Variants in IFI44 observed in about 807,000 individuals in gnomAD.
IFI44 encodes the protein interferon induced protein 44.
IFI44 carries 42 observed loss-of-function variants against 45.0 expected under a neutral mutation model. The observed-to-expected ratio is 0.93, with a 90% CI of 0.73 to 1.21. IFI44 has a LOEUF of 1.21. Ranked by LOEUF, IFI44 falls within the 50% of genes most tolerant of loss-of-function variation. The probability of loss-of-function intolerance (pLI) is 0.00; values close to 1 mark genes in which losing one functional copy is unlikely to be tolerated. For missense variants in IFI44, 623 were observed against 525.8 expected (o/e 1.18, Z -1.81); for synonymous variants, 221 against 188.6 (o/e 1.17, Z -1.41).
chr1:78,654,280 G>A lies in IFI44; in HGVS notation c.494+1G>A. The A allele has an allele frequency of 1.4e-6, 2 of 1,438,886 alleles. No homozygotes were observed. The highest frequency in any genetic ancestry group is 9.8e-7 in the Non-Finnish European group (1 of 1,022,380). The allele number at this position is 1,438,886 out of a possible 1,614,324, so 89.1% of individuals were successfully genotyped here. A position where few individuals can be genotyped will look rare whatever the true frequency, so the allele number is the denominator to read the frequency against. ...AAAGAAAGATAAAAGGGGTCATTGA[G>A]TAAGTCAATGTTTTTAAGATTCTAT... On this transcript the variant is annotated splice_donor_variant, in intron 3 of 8. Transcript: ENST00000370747. LOFTEE classifies it high-confidence loss of function.
rs770741731 is a variant in IFI44, at chr1:78,662,751, G to A, written c.1161G>A (p.Ser387=). 14 of 1,613,554 alleles carry A rather than the reference G, an allele frequency of 8.7e-6. No individual in the cohort carries two copies. Among genetic ancestry groups the A allele is most frequent in the East Asian group, 4.5e-5 (2 of 44,858 alleles). The stretch of plus-strand genomic sequence containing the variant: ...TTGGATTTGCTCTTTCTGACATCTC[G>A]GTGGTTAGCAATTATTCCTCTGAGT... ...RKLGFALSDI[S]VVSNYSSEWE... is the part of the protein sequence containing the mutation. Residue 387 remains serine (S), a synonymous_variant, in exon 8 of 9, where the codon TCG becomes TCA. Transcript: ENST00000370747.
At chr1:78,651,222 C>T (rs948299495) in intron 2 of IFI44, among the ~76,000 whole-genome samples, 2 of 152,104 alleles carry the variant, frequency 1.3e-5, no homozygotes, top group African/African-American at 4.8e-5. Context: ...TTGTAATATA[C>T]AATGAAATAA....
chr1:78,658,597 A>T (rs574295421), intron 5 of IFI44, among the ~76,000 whole-genome samples: 38 of 152,282 alleles, frequency 2.5e-4, no homozygotes, highest in African/African-American at 9.1e-4. Flanking sequence ...CTACAAAATA[A>T]TGTATAGTCA....
intron 5 of IFI44, 119 bp downstream of exon 5, chr1:78,655,630 T>A (rs993949461): frequency 3.2e-6 from 3 of 933,132 alleles, no homozygotes; most frequent in Non-Finnish European, 4.6e-6. Context: ...TCTTTTAGAT[T>A]TTTTTTTTCA....
intron 5 of IFI44, among the ~76,000 whole-genome samples, chr1:78,656,565 A>G (rs753323663): frequency 3.3e-5 from 5 of 152,026 alleles, no homozygotes; most frequent in Admixed American, 6.6e-5. Context: ...GTAGTAATCA[A>G]TTATGGCTTG....
At chr1:78,659,566 A>T in intron 6 of IFI44, 83 bp downstream of exon 6, 1 of 1,083,386 alleles carries the variant, frequency 9.2e-7, no homozygotes. Context: ...TTTGGACAGG[A>T]TAAAGAACTT....
intron 7 of IFI44, 130 bp from the exon 8 acceptor site, chr1:78,662,574 A>C: frequency 1.5e-6 from 1 of 674,490 alleles, no homozygotes; most frequent in Non-Finnish European, 2.5e-6. Flanking sequence ...TTGTGAGACC[A>C]GATCTCCATT....
chr1:78,662,921 G>A (rs1647551882), intron 8 of IFI44, 43 bp downstream of exon 8: 1 of 1,612,794 alleles, frequency 6.2e-7, no homozygotes, highest in Non-Finnish European at 8.5e-7. Flanking sequence ...CGGTCAGGTA[G>A]TTGGCTACTT....
rs1330549172 is a variant in IFI44 at position 78,655,158 on chromosome 1, T to A, written c.639T>A (p.His213Gln). 3 of 1,613,854 alleles carry A rather than the reference T, an allele frequency of 1.9e-6. No homozygotes were observed. Among genetic ancestry groups the A allele is most frequent in the Admixed American group, 1.7e-5 (1 of 59,994 alleles). ...CAGTGAGGTCTGTTTTCCAAGGGCATGTAACGCATCAGGCTTTGGTGGGCA... is the reference window on the plus strand; with the variant it reads ...CAGTGAGGTCTGTTTTCCAAGGGCAAGTAACGCATCAGGCTTTGGTGGGCA... ...FNSVRSVFQG[H>Q]VTHQALVGTN... Residue 213 changes from histidine (H) to glutamine (Q), a missense_variant, in exon 4 of 9, where the codon CAT becomes CAA. By Grantham distance (24) the His-to-Gln change is conservative (BLOSUM62 0). Coordinates refer to ENST00000370747, the MANE Select transcript of IFI44 (RefSeq NM_006417.5).
chr1:78,650,069 T>C (rs1647095919), intron 1 of IFI44, 117 bp from the exon 2 acceptor site: 2 of 540,966 alleles, frequency 3.7e-6, no homozygotes, highest in Non-Finnish European at 6.0e-6. Flanking sequence ...TGTTCATCCT[T>C]TGTTTTGTCA....
At chr1:78,654,914 C>G in intron 3 of IFI44, 100 bp from the exon 4 acceptor site, 1 of 949,888 alleles carries the variant, frequency 1.1e-6, no homozygotes, top group Non-Finnish European at 1.5e-6. Context: ...AGTTGCTAAT[C>G]AAAAATAATA....
At chr1:78,657,978 C>A (rs1647263744) in intron 5 of IFI44, among the ~76,000 whole-genome samples, 1 of 151,960 alleles carries the variant, frequency 6.6e-6, no homozygotes, top group Non-Finnish European at 1.5e-5. Context: ...GCTATTTCTT[C>A]AAGTAGTCCT....
Position 78,655,178 on chromosome 1 carries a change from T to C in IFI44, c.659T>C (p.Val220Ala). The change falls in exon 4 of 9, where the codon GTG (valine) becomes GCG (alanine). Residue 220 changes from valine (V) to alanine (A), a missense_variant. Coordinates refer to ENST00000370747, the MANE Select transcript of IFI44 (RefSeq NM_006417.5). ...GGGCATGTAACGCATCAGGCTTTGG[T>C]GGGCACTAATACAACTGGGATATCT... ...FQGHVTHQAL[V>A]GTNTTGISEK... 2 of 1,613,904 alleles carry C rather than the reference T, an allele frequency of 1.2e-6. No individual in the cohort carries two copies. The highest frequency in any genetic ancestry group is 1.7e-6 in the Non-Finnish European group (2 of 1,179,852).
intron 3 of IFI44, 134 bp downstream of exon 3, chr1:78,654,413 A>G (rs1007097457): frequency 5.6e-6 from 3 of 535,732 alleles, no homozygotes; most frequent in South Asian, 2.8e-5. Context: ...AACTGTATTT[A>G]TAATCATAAA....
chr1:78,650,645 A>G lies in IFI44; in HGVS notation c.450A>G (p.Arg150=). The G allele has an allele frequency of 6.3e-7, 1 of 1,574,916 alleles. No homozygotes were observed. The highest frequency in any genetic ancestry group is 8.6e-7 in the Non-Finnish European group (1 of 1,161,954). The change falls in exon 2 of 9, where the codon CGA becomes CGG. Residue 150 remains arginine (R), a synonymous_variant. Transcript: ENST00000370747. ...TISIQDYEVF[R]CEDSLDERKI... ...CTATTCAGGATTATGAAGTTTTTCG[A>G]TGCGAAGGTAGGTTTAATTAGATAA...
Position 78,650,512 on chromosome 1 carries a change from C to G in IFI44, c.317C>G (p.Thr106Arg). 2 of 1,613,762 alleles carry G rather than the reference C, an allele frequency of 1.2e-6. No individual in the cohort carries two copies. The highest frequency in any genetic ancestry group is 1.7e-6 in the Non-Finnish European group (2 of 1,179,778). ...TPETLFCCDV[T>R]KYNSPTNFQI... Reference sequence around the variant, plus strand: ...GAAACACTGTTTTGTTGTGATGTTACAAAATATAACTCCCCAACTAATTTC... The same window carrying G: ...GAAACACTGTTTTGTTGTGATGTTAGAAAATATAACTCCCCAACTAATTTC... The change falls in exon 2 of 9, where the codon ACA becomes AGA. Residue 106 changes from threonine to arginine, a missense_variant. By Grantham distance (71) the Thr-to-Arg change is moderately conservative. Coordinates refer to ENST00000370747, the MANE Select transcript of IFI44 (RefSeq NM_006417.5).
chr1:78,652,112 G>T (rs1307872861), intron 2 of IFI44, among the ~76,000 whole-genome samples: 1 of 151,862 alleles, frequency 6.6e-6, no homozygotes, highest in Non-Finnish European at 1.5e-5. Flanking sequence ...TTGAGACAGA[G>T]TCTCTGTCAC....
In IFI44 at chr1:78,650,436, G is replaced by C. The variant is rs1390320263; in HGVS notation, c.241G>C (p.Ala81Pro). Residue 81 changes from alanine (A) to proline (P), a missense_variant, in exon 2 of 9, where the codon GCA becomes CCA. By Grantham distance (27) the Ala-to-Pro change is conservative (BLOSUM62 -1). Coordinates refer to ENST00000370747, the MANE Select transcript of IFI44 (RefSeq NM_006417.5). ...AAAGTATGCTTCCATCATCCTTTTT[G>C]CACTTCAAGATACTAAAATTTCAGA... ...EGKYASIILFALQDTKISEWK... is the reference protein window; with the variant it reads ...EGKYASIILFPLQDTKISEWK... The C allele has an allele frequency of 6.2e-7, 1 of 1,613,802 alleles. No individual in the cohort carries two copies. Among genetic ancestry groups the C allele is most frequent in the Non-Finnish European group, 8.5e-7 (1 of 1,179,820 alleles).
In IFI44 at chr1:78,659,360, T is replaced by C. The variant is rs1451520591; in HGVS notation, c.889T>C (p.Ser297Pro). The change falls in exon 6 of 9, where the codon TCC (serine) becomes CCC (proline). Residue 297 changes from serine to proline, a missense_variant. Physicochemically the swap from Ser to Pro is moderately conservative, Grantham distance 74 (BLOSUM62 -1). Coordinates refer to ENST00000370747, the MANE Select transcript of IFI44 (RefSeq NM_006417.5). ...IKLNHHDYID[S>P]PSLKDRIHCV... ...ATTAAATCATCATGACTACATTGAT[T>C]CCCCATCGCTGAAGGACAGAATTCA... is the stretch of plus-strand genomic sequence containing the variant. 6.2e-7 allele frequency: 1 copy of C among 1,613,462 alleles called. No individual in the cohort carries two copies. The highest frequency in any genetic ancestry group is 1.7e-4 in the Middle Eastern group (1 of 6,052).
Sources: allele counts gnomAD v4.1 joint callset (sites outside exome capture counted in the v4.1 genomes callset), GRCh38; gene constraint gnomAD v4.1.1; transcripts MANE v1.5; gene names NCBI Gene and HGNC (gene_info 2026-07-23, HGNC 2026-07-21).